ARHGAP22: variants seen among roughly 807,000 people sequenced by gnomAD.
The protein encoded by ARHGAP22 is Rho GTPase activating protein 22, also known as rho GTPase-activating protein 22.
ARHGAP22 carries 48 observed loss-of-function variants against 59.1 expected under a neutral mutation model. The ratio of observed to expected loss-of-function variants is 0.81; its 90% CI spans 0.64 to 1.03. ARHGAP22 has a LOEUF of 1.03. ARHGAP22 is among the 50% of genes least tolerant of loss of function. The pLI, the probability that ARHGAP22 is intolerant of heterozygous loss-of-function variation, is 0.00. For missense variants in ARHGAP22, 1,015 were observed against 958.7 expected (o/e 1.06, Z -0.78); for synonymous variants, 445 against 416.4 (o/e 1.07, Z -0.84).
chr10:48,436,241 T>C, the ARHGAP22 span: 2 of 152,168 alleles, frequency 1.3e-5, no homozygotes, highest in South Asian at 4.1e-4. Flanking sequence ...GCATAAATGG[T>C]GGTTATTTAG....
chr10:48,533,992 G>A (rs531142697), intron 3 of ARHGAP22, among the ~76,000 whole-genome samples: 1 of 152,258 alleles, frequency 6.6e-6, no homozygotes, highest in Non-Finnish European at 1.5e-5. Flanking sequence ...GCCGTGCCCA[G>A]GAGGGGTCAG....
intron 3 of ARHGAP22, among the ~76,000 whole-genome samples, chr10:48,536,719 C>T (rs1816979755): frequency 2.0e-5 from 3 of 152,198 alleles, no homozygotes; most frequent in Admixed American, 6.5e-5. Context: ...TAGGACAGAA[C>T]ATGCCAGAAG....
intron 2 of ARHGAP22, among the ~76,000 whole-genome samples, chr10:48,568,979 C>T (rs2058231093): frequency 6.6e-6 from 1 of 152,234 alleles, no homozygotes; most frequent in African/African-American, 2.4e-5. Context: ...AGCCTAAGAG[C>T]ACACTCTTGG....
chr10:48,511,497 G>A (rs918025928), intron 3 of ARHGAP22: 4 of 152,280 alleles, frequency 2.6e-5, no homozygotes, highest in African/African-American at 9.6e-5. Context: ...CTCCCTATTG[G>A]TAAACGGAGG....
rs1357984936 is a variant in ARHGAP22 at position 48,550,170 on chromosome 10, C to T, written c.322+5293G>A. Among the ~76,000 whole-genome samples, 6 of 152,338 alleles carry T rather than the reference C, an allele frequency of 3.9e-5. No individual in the cohort carries two copies. The South Asian group carries it at 8.3e-4, about 21-fold the overall frequency. ...TCACTTAACCTTCAAAGAGCAGGGT[C>T]GTTGTCACTTTATCCTGGAAGTCCC... is the stretch of plus-strand genomic sequence containing the variant. On this transcript the variant is annotated intron_variant, in intron 3 of 9. Coordinates refer to ENST00000249601, the MANE Select transcript of ARHGAP22 (RefSeq NM_021226.4).
intron 4 of ARHGAP22, among the ~76,000 whole-genome samples, chr10:48,478,187 G>A (rs1327017939): frequency 6.6e-6 from 1 of 152,216 alleles, no homozygotes; most frequent in African/African-American, 2.4e-5. Context: ...AAGCCACTGT[G>A]AGGCTGCAGA....
intron 1 of ARHGAP22, among the ~76,000 whole-genome samples, chr10:48,595,107 G>A (rs1456591276): frequency 1.3e-5 from 2 of 152,222 alleles, no homozygotes; most frequent in Admixed American, 6.5e-5. Flanking sequence ...GCACCCTGCC[G>A]TGGGCCAGGG....
chr10:48,464,561 AGGGCAG>A, intron 4 of ARHGAP22, among the ~76,000 whole-genome samples: 1 of 152,272 alleles, frequency 6.6e-6, no homozygotes, highest in Middle Eastern at 3.4e-3. Context: ...TGGGCGTCAG[AGGGCAG>A]GGGTGAAGGA....
chr10:48,630,457 C>T (rs577823619), intron 1 of ARHGAP22, among the ~76,000 whole-genome samples: 3 of 152,224 alleles, frequency 2.0e-5, no homozygotes, highest in Admixed American at 6.5e-5. Context: ...CCATTTATTT[C>T]GATTTTCTTA....
chr10:48,443,665 C>A (rs1003643576), downstream of ARHGAP22, among the ~76,000 whole-genome samples: 1 of 151,978 alleles, frequency 6.6e-6, no homozygotes, highest in African/African-American at 2.4e-5. Context: ...TCTGCAGGGG[C>A]CTGGGGTTCT....
At chr10:48,489,038 T>G (rs553627530) in intron 3 of ARHGAP22, among the ~76,000 whole-genome samples, 4 of 152,232 alleles carry the variant, frequency 2.6e-5, no homozygotes, top group African/African-American at 9.6e-5. Context: ...TTGGGGGTCA[T>G]AGTCCTTCCC....
At position 48,495,858 on chromosome 10, in the gene ARHGAP22, C is replaced by T. The variant is rs551300922; in HGVS notation, c.323-16094G>A. On this transcript the variant is annotated intron_variant, in intron 3 of 9. Coordinates refer to ENST00000249601, the MANE Select transcript of ARHGAP22 (RefSeq NM_021226.4). ...CTGCCCTGCTGGGAGCTGCCCGAGG[C>T]GGAGGCCCACGTGGTGAGAAACTGA... 7.9e-5 allele frequency among the ~76,000 whole-genome samples: 12 copies of T among 152,294 alleles called. No individual in the cohort carries two copies. The East Asian group carries it at 1.7e-3, about 22-fold the overall frequency.
At chr10:48,594,362 G>A (rs1244410223) in intron 1 of ARHGAP22, among the ~76,000 whole-genome samples, 1 of 152,212 alleles carries the variant, frequency 6.6e-6, no homozygotes, top group Non-Finnish European at 1.5e-5. Flanking sequence ...ACTCCAGCCT[G>A]CCTCCTCCAC....
chr10:48,605,334 C>A (rs555950925), upstream of ARHGAP22, among the ~76,000 whole-genome samples: 8 of 135,674 alleles, frequency 5.9e-5, no homozygotes, highest in Non-Finnish European at 9.7e-5. Context: ...GCCGAGACCC[C>A]CCCCCCACCC....
intron 4 of ARHGAP22, among the ~76,000 whole-genome samples, chr10:48,475,665 A>G (rs955545769): frequency 6.6e-6 from 1 of 152,182 alleles, no homozygotes; most frequent in Admixed American, 6.5e-5. Flanking sequence ...TAAATCAAGA[A>G]TTCAATGACT....
At chr10:48,655,091 T>C (rs1167261935), upstream of ARHGAP22, among the ~76,000 whole-genome samples, 7 of 70,280 alleles carry the variant, frequency 1.0e-4, no homozygotes, top group African/African-American at 2.3e-4. Flanking sequence ...TCTCTTCTCT[T>C]CTCTTCTCTT....
intron 3 of ARHGAP22, among the ~76,000 whole-genome samples, chr10:48,540,208 A>C (rs1268710050): frequency 6.6e-6 from 1 of 152,234 alleles, no homozygotes; most frequent in East Asian, 1.9e-4. Context: ...GCACTAGTAC[A>C]CACAGACTCT....
chr10:48,435,957 CT>C, the ARHGAP22 span: 1 of 152,336 alleles, frequency 6.6e-6, no homozygotes, highest in South Asian at 2.1e-4. Flanking sequence ...AGAGTCTGGT[CT>C]TTCCCTTTCC....
intron 3 of ARHGAP22, among the ~76,000 whole-genome samples, chr10:48,491,550 C>A (rs1050664925): frequency 3.3e-5 from 5 of 152,244 alleles, no homozygotes. Flanking sequence ...TTGGCCCACC[C>A]CGACTCTGTC....
Sources: allele counts gnomAD v4.1 joint callset (sites outside exome capture counted in the v4.1 genomes callset), GRCh38; gene constraint gnomAD v4.1.1; transcripts MANE v1.5; gene names NCBI Gene and HGNC (gene_info 2026-07-23, HGNC 2026-07-21).